PRKG1: variants seen among roughly 807,000 people sequenced by gnomAD.
The protein encoded by PRKG1 is cGMP-dependent protein kinase 1.
PRKG1 carries 35 observed loss-of-function variants against 88.1 expected under a neutral mutation model. That is an observed-to-expected ratio of 0.40 (90% CI 0.30 to 0.53). The LOEUF is 0.53. Among genes scored for constraint, PRKG1 ranks in the 20% least tolerant of loss-of-function variants. The pLI, the probability that PRKG1 is intolerant of heterozygous loss-of-function variation, is 0.59. For missense variants in PRKG1, 540 were observed against 839.8 expected, an observed-to-expected ratio of 0.64 and a Z score of 4.41; for synonymous variants, 303 against 292.5, an observed-to-expected ratio of 1.04 and a Z score of -0.37.
At chr10:52,065,084 G>A (rs1846325718) in intron 7 of PRKG1, among the ~76,000 whole-genome samples, 1 of 151,986 alleles carries the variant, frequency 6.6e-6, no homozygotes, top group Non-Finnish European at 1.5e-5. Context: ...AAGCACTTGG[G>A]GGTTCTTCTC....
intron 2 of PRKG1, among the ~76,000 whole-genome samples, chr10:51,305,134 C>G (rs142174540): frequency 6.6e-6 from 1 of 152,100 alleles, no homozygotes; most frequent in African/African-American, 2.4e-5. Context: ...AGCTTGCATC[C>G]TATAGGAGCA....
intron 3 of PRKG1, among the ~76,000 whole-genome samples, chr10:51,748,330 G>C (rs559511477): frequency 6.6e-6 from 1 of 152,190 alleles, no homozygotes; most frequent in Non-Finnish European, 1.5e-5. Context: ...TTGGCCTGTT[G>C]TGTAGGCCTG....
At chr10:51,678,182 A>G (rs375936327) in intron 3 of PRKG1, among the ~76,000 whole-genome samples, 3 of 152,190 alleles carry the variant, frequency 2.0e-5, no homozygotes, top group African/African-American at 7.2e-5. Flanking sequence ...ATAAAGGGCA[A>G]CACCTATGCA....
At chr10:51,293,453 T>G (rs1254144011) in intron 2 of PRKG1, among the ~76,000 whole-genome samples, 1 of 152,148 alleles carries the variant, frequency 6.6e-6, no homozygotes, top group Non-Finnish European at 1.5e-5. Flanking sequence ...TTTCATTCTA[T>G]TCAAGGTGAG....
chr10:52,242,774 T>G (rs927836321), intron 9 of PRKG1, among the ~76,000 whole-genome samples: 4 of 151,972 alleles, frequency 2.6e-5, no homozygotes, highest in African/African-American at 4.8e-5. Context: ...CATGTGCCTG[T>G]AGTCCCAGCT....
chr10:51,867,374 G>T (rs1290500348), intron 4 of PRKG1, among the ~76,000 whole-genome samples: 1 of 152,140 alleles, frequency 6.6e-6, no homozygotes, highest in African/African-American at 2.4e-5. Context: ...GATGTGGTTG[G>T]ATGTGTATTT....
In PRKG1 at chr10:51,001,025, G is replaced by A. The variant is rs1038439969; in HGVS notation, c.266+9381G>A. 2.0e-5 allele frequency among the ~76,000 whole-genome samples: 3 copies of A among 152,322 alleles called. No individual in the cohort carries two copies. The South Asian group carries it at 6.2e-4, about 32-fold the overall frequency. On this transcript the variant is annotated intron_variant, in intron 1 of 17. Coordinates refer to the PRKG1 transcript ENST00000401604. Reference sequence around the variant, plus strand: ...GTTAGATGGAGATGGTGGTTTTCATGAAATATATTCTTGCTTTGAGGATAA... The same window carrying A: ...GTTAGATGGAGATGGTGGTTTTCATAAAATATATTCTTGCTTTGAGGATAA...
At chr10:51,106,696 G>C (rs1467301656) in intron 1 of PRKG1, among the ~76,000 whole-genome samples, 1 of 152,202 alleles carries the variant, frequency 6.6e-6, no homozygotes, top group Non-Finnish European at 1.5e-5. Flanking sequence ...CTTGTAAAAT[G>C]AAGCCAGGGA....
chr10:51,116,867 C>T (rs1390137758), intron 1 of PRKG1, among the ~76,000 whole-genome samples: 3 of 152,132 alleles, frequency 2.0e-5, no homozygotes, highest in African/African-American at 7.2e-5. Flanking sequence ...GATTGTTCCA[C>T]CCTTTGGCAT....
chr10:51,205,344 C>A (rs1208292580), intron 2 of PRKG1, among the ~76,000 whole-genome samples: 1 of 150,606 alleles, frequency 6.6e-6, no homozygotes, highest in Non-Finnish European at 1.5e-5. Flanking sequence ...ACCATCTCGG[C>A]CAGGCTGGTC....
chr10:52,075,292 C>A (rs144357996), intron 7 of PRKG1, among the ~76,000 whole-genome samples: 1 of 152,152 alleles, frequency 6.6e-6, no homozygotes, highest in African/African-American at 2.4e-5. Flanking sequence ...TACGTTCATA[C>A]GTTGTAAGAC....
chr10:52,186,102 A>G (rs887971486), intron 9 of PRKG1, among the ~76,000 whole-genome samples: 1 of 152,218 alleles, frequency 6.6e-6, no homozygotes, highest in Non-Finnish European at 1.5e-5. Context: ...TGCTATAAAG[A>G]AATAACTGAA....
intron 4 of PRKG1, among the ~76,000 whole-genome samples, chr10:51,870,531 G>T (rs1411405563): frequency 6.6e-6 from 1 of 151,780 alleles, no homozygotes; most frequent in Non-Finnish European, 1.5e-5. Context: ...TTTCCTCATG[G>T]ATTAATGTGT....
intron 2 of PRKG1, among the ~76,000 whole-genome samples, chr10:51,194,219 G>A (rs995907119): frequency 6.7e-6 from 1 of 150,254 alleles, no homozygotes; most frequent in African/African-American, 2.4e-5. Context: ...TAGTATCAAG[G>A]TTCAACTTTT....
chr10:51,023,461 G>A (rs190446871), intron 1 of PRKG1, among the ~76,000 whole-genome samples: 2 of 152,214 alleles, frequency 1.3e-5, no homozygotes, highest in East Asian at 3.9e-4. Context: ...GAGAAGTTTG[G>A]TACAATAACT....
chr10:51,016,692 T>TTTTTTTTTTTTTTTTTTTTTTTC, intron 1 of PRKG1, among the ~76,000 whole-genome samples: 6 of 133,244 alleles, frequency 4.5e-5, no homozygotes, highest in African/African-American at 1.8e-4. Context: ...TTTTTTTTTT[T>TTTTTTTTTTTTTTTTTTTTTTTC]GGAATCTTGC....
intron 4 of PRKG1, among the ~76,000 whole-genome samples, chr10:51,823,331 A>G (rs1178653174): frequency 1.3e-5 from 2 of 152,168 alleles, no homozygotes; most frequent in Admixed American, 1.3e-4. Context: ...TTTTAATGGA[A>G]CTCATTAACC....
intron 2 of PRKG1, among the ~76,000 whole-genome samples, chr10:51,353,192 C>T (rs1842291003): frequency 6.6e-6 from 1 of 152,084 alleles, no homozygotes; most frequent in Non-Finnish European, 1.5e-5. Flanking sequence ...TGTGAAACTA[C>T]CACAAGAAAA....
intron 5 of PRKG1, among the ~76,000 whole-genome samples, chr10:51,924,717 T>C (rs1332965360): frequency 1.8e-5 from 1 of 56,730 alleles, no homozygotes; most frequent in African/African-American, 1.7e-4. Flanking sequence ...CGAATATTCT[T>C]TTTTTTTTTT....
Sources: gnomAD v4.1 joint callset for allele counts (sites outside exome capture counted in the v4.1 genomes callset) on GRCh38, gnomAD v4.1.1 for gene constraint, MANE v1.5 for transcripts, NCBI Gene and HGNC (gene_info 2026-07-23, HGNC 2026-07-21) for gene names.